Variants in UBR1 observed in about 807,000 individuals in gnomAD.
The protein encoded by UBR1 is E3 ubiquitin-protein ligase UBR1.
Under a neutral mutation model 242.1 loss-of-function variants are expected in UBR1, and 102 were observed. That is an observed-to-expected ratio of 0.42 (90% CI 0.36 to 0.50). The LOEUF is 0.50. Among genes scored for constraint, UBR1 ranks in the 20% least tolerant of loss-of-function variants. The pLI, the probability that UBR1 is intolerant of heterozygous loss-of-function variation, is 0.01. For missense variants in UBR1, 1,772 were observed against 2,101.8 expected (o/e 0.84, Z 3.07); for synonymous variants, 675 against 684.8 (o/e 0.99, Z 0.22).
intron 39 of UBR1, among the ~76,000 whole-genome samples, chr15:42,973,780 C>T (rs189451491): frequency 6.6e-6 from 1 of 151,926 alleles, no homozygotes; most frequent in African/African-American, 2.4e-5. Context: ...ATAATGAAGT[C>T]CAGCCTATCA....
chr15:43,048,831 A>G (rs1478045662), intron 12 of UBR1, among the ~76,000 whole-genome samples: 1 of 152,170 alleles, frequency 6.6e-6, no homozygotes, highest in Non-Finnish European at 1.5e-5. Flanking sequence ...GTTCACACCC[A>G]TCAGCCAAAG....
chr15:42,967,780 C>T (rs1177857017), intron 40 of UBR1, among the ~76,000 whole-genome samples: 1 of 151,370 alleles, frequency 6.6e-6, no homozygotes, highest in African/African-American at 2.4e-5. Context: ...CTCTAAAAAA[C>T]AAAATCTATT....
chr15:43,056,662 T>G (rs1325063562), intron 10 of UBR1, among the ~76,000 whole-genome samples: 2 of 152,122 alleles, frequency 1.3e-5, no homozygotes, highest in Non-Finnish European at 2.9e-5. Context: ...TTAGCAGAGA[T>G]AGAAGTGGAA....
chr15:43,052,751 A>G (rs893679263), intron 12 of UBR1, among the ~76,000 whole-genome samples: 1 of 152,246 alleles, frequency 6.6e-6, no homozygotes, highest in African/African-American at 2.4e-5. Context: ...GAAAGCAATT[A>G]ACACGAATTA....
chr15:42,989,012 T>G, intron 34 of UBR1, 45 bp from the exon 35 acceptor site: 1 of 1,518,608 alleles, frequency 6.6e-7, no homozygotes, highest in Non-Finnish European at 9.1e-7. Flanking sequence ...TAAAAGGAGC[T>G]ACTTAGTAAG....
At chr15:42,979,445 G>C (rs1320033838) in intron 37 of UBR1, among the ~76,000 whole-genome samples, 1 of 152,128 alleles carries the variant, frequency 6.6e-6, no homozygotes, top group Non-Finnish European at 1.5e-5. Context: ...TTCCAGTATT[G>C]GCTGTGACTA....
Position 43,054,796 on chromosome 15 carries a change from T to A in UBR1, c.1385A>T (p.Gln462Leu). Residue 462 changes from glutamine to leucine, a missense_variant, in exon 12 of 47, where the codon CAG becomes CTG. Physicochemically the swap from Gln to Leu is moderately radical, Grantham distance 113 (BLOSUM62 -2). Around this residue, in one of 3 missense-constraint regions of UBR1, gnomAD observed 734 missense variants for 893.3 expected, o/e 0.82. Coordinates refer to ENST00000290650, the MANE Select transcript of UBR1 (RefSeq NM_174916.3). ...TCCCAATTTGTCCTGGCTATAACCC[T>A]GGAAGTTGAATTTATTGTTCCTGTC... is the stretch of plus-strand genomic sequence containing the variant. Reference protein sequence around the residue: ...YLDRNNKFNFQGYSQDKLGRV... With the variant: ...YLDRNNKFNFLGYSQDKLGRV... 6.2e-7 allele frequency: 1 copy of A among 1,614,158 alleles called. No individual in the cohort carries two copies.
Position 42,952,329 on chromosome 15 carries a change from G to T in UBR1, c.4955C>A (p.Ala1652Asp). 1 of 1,614,160 alleles carries T rather than the reference G, an allele frequency of 6.2e-7. No individual in the cohort carries two copies. The highest frequency in any genetic ancestry group is 8.5e-7 in the Non-Finnish European group (1 of 1,180,038). ...QEIVNGEEVG[A>D]CIFHALHCGA... ...ACAGTGAAGTGCGTGAAAAATGCAA[G>T]CTCCAACCTCTTCCCCGTTCACAAT... Residue 1652 changes from alanine (A) to aspartate (D), a missense_variant, in exon 45 of 47, where the codon GCT becomes GAT. Ala to Asp is a moderately radical substitution (Grantham distance 126). Around this residue, in one of 3 missense-constraint regions of UBR1, gnomAD observed 965 missense variants for 1,079.7 expected, o/e 0.89. Transcript: ENST00000290650.
chr15:43,092,244 G>A (rs144245556), intron 1 of UBR1, among the ~76,000 whole-genome samples: 73 of 152,184 alleles, frequency 4.8e-4, no homozygotes, highest in African/African-American at 1.5e-3. Context: ...CAACCTTAGC[G>A]AATCCTTCAC....
intron 35 of UBR1, among the ~76,000 whole-genome samples, chr15:42,987,386 A>G (rs2032483578): frequency 6.6e-6 from 1 of 152,216 alleles, no homozygotes; most frequent in African/African-American, 2.4e-5. Flanking sequence ...TCTATTAAGA[A>G]ACTAATGATA....
At chr15:43,076,508 TGCCCGGCC>T (rs1298538664) in intron 3 of UBR1, among the ~76,000 whole-genome samples, 2 of 149,310 alleles carry the variant, frequency 1.3e-5, no homozygotes, top group Non-Finnish European at 3.0e-5. Context: ...GGAGCGTCTC[TGCCCGGCC>T]GCCCATCGTC....
chr15:43,015,909 G>A (rs1246956175), intron 28 of UBR1, 40 bp from the exon 29 acceptor site: 3 of 1,590,634 alleles, frequency 1.9e-6, no homozygotes, highest in Non-Finnish European at 2.6e-6. Flanking sequence ...AAGATCCACT[G>A]TTAAACATTT....
chr15:43,037,989 G>T, intron 16 of UBR1, 106 bp from the exon 17 acceptor site: 2 of 1,231,726 alleles, frequency 1.6e-6, no homozygotes, highest in Non-Finnish European at 2.3e-6. Context: ...AAATGGAAGA[G>T]CTTGAACTAG....
rs373310121 is a variant in UBR1, at chr15:43,048,497, G to A, written c.1440-6C>T. 50 of 1,598,224 alleles carry A rather than the reference G, an allele frequency of 3.1e-5. No individual in the cohort carries two copies. Among genetic ancestry groups the A allele is most frequent in the East Asian group, 1.1e-4 (5 of 44,716 alleles). On this transcript the variant is annotated splice_region_variant and splice_polypyrimidine_tract_variant and intron_variant, in intron 12 of 46. Coordinates refer to ENST00000290650, the MANE Select transcript of UBR1 (RefSeq NM_174916.3). The stretch of plus-strand genomic sequence containing the variant: ...GTTTGCTGATCAGGATATACCTATC[G>A]TTTCAAGAAAGAAAGAAATATTTCA...
At position 43,015,803 on chromosome 15, in the gene UBR1, T is replaced by C; in HGVS notation, c.3094A>G (p.Lys1032Glu). 1 of 1,614,220 alleles carries C rather than the reference T, an allele frequency of 6.2e-7. No individual in the cohort carries two copies. The highest frequency in any genetic ancestry group is 1.1e-5 in the South Asian group (1 of 91,086). ...AAGGCAGACATCTGAGCCATGATCT[T>C]CTGGCGATGTAGCCTAGCAGCTTCA... is the stretch of plus-strand genomic sequence containing the variant. ...KAEAARLHRQ[K>E]IMAQMSALQK... The change falls in exon 29 of 47, where the codon AAG (lysine) becomes GAG (glutamate). Residue 1032 changes from lysine to glutamate, a missense_variant. Physicochemically the swap from Lys to Glu is moderately conservative, Grantham distance 56 (BLOSUM62 1). Coordinates refer to ENST00000290650, the MANE Select transcript of UBR1 (RefSeq NM_174916.3).
intron 27 of UBR1, among the ~76,000 whole-genome samples, chr15:43,017,654 A>G (rs2033047339): frequency 6.6e-6 from 1 of 151,954 alleles, no homozygotes; most frequent in Non-Finnish European, 1.5e-5. Flanking sequence ...TACTAAAAAT[A>G]CAAAAATTAG....
chr15:43,080,934 G>C (rs886743331), intron 3 of UBR1, among the ~76,000 whole-genome samples: 2 of 152,050 alleles, frequency 1.3e-5, no homozygotes, highest in African/African-American at 4.8e-5. Flanking sequence ...ATGGGCAACA[G>C]AGCCAGACTC....
chr15:43,040,704 G>C (rs2033406631), intron 15 of UBR1, among the ~76,000 whole-genome samples: 1 of 152,136 alleles, frequency 6.6e-6, no homozygotes. Context: ...ATCTGACAAA[G>C]GGCTAATATC....
At chr15:42,956,240 TATC>T (rs750004747) in intron 44 of UBR1, among the ~76,000 whole-genome samples, 1 of 152,210 alleles carries the variant, frequency 6.6e-6, no homozygotes, top group Non-Finnish European at 1.5e-5. Flanking sequence ...TAAGGAGTGA[TATC>T]ATAGAAAATG....
Sources: gnomAD v4.1 joint callset for allele counts (sites outside exome capture counted in the v4.1 genomes callset) on GRCh38, gnomAD v4.1.1 for gene constraint, gnomAD v4.1.1 regional missense constraint, MANE v1.5 for transcripts, NCBI Gene and HGNC (gene_info 2026-07-23, HGNC 2026-07-21) for gene names.